RNF213: variants seen among roughly 807,000 people sequenced by gnomAD.
RNF213 encodes the protein E3 ubiquitin-protein ligase RNF213.
RNF213 carries 341 observed loss-of-function variants against 514.4 expected under a neutral mutation model. The observed-to-expected ratio is 0.66, with a 90% CI of 0.61 to 0.73. RNF213 has a LOEUF of 0.73. Ranked by LOEUF, RNF213 falls within the 30% of genes least tolerant of loss-of-function variation. RNF213 has a pLI of 0.00. For missense variants in RNF213, 5,767 were observed against 6,615.6 expected, an observed-to-expected ratio of 0.87 and a Z score of 4.45; for synonymous variants, 2,655 against 2,658.2, an observed-to-expected ratio of 1.00 and a Z score of 0.04.
At position 80,337,566 on chromosome 17, in the gene RNF213, C is replaced by G. The variant is rs145192984; in HGVS notation, c.4528-20C>G. 2 of 1,536,592 alleles carry G rather than the reference C, an allele frequency of 1.3e-6. No individual in the cohort carries two copies. The highest frequency in any genetic ancestry group is 2.0e-5 in the Admixed American group (1 of 50,992). Reference sequence around the variant, plus strand: ...CCTCGCTCCAACCGTGGCCCGTGTTCTCTCCTTTTGTCCCCATAGTGTGAC... The same window carrying G: ...CCTCGCTCCAACCGTGGCCCGTGTTGTCTCCTTTTGTCCCCATAGTGTGAC... On this transcript the variant is annotated intron_variant, in intron 23 of 67. Coordinates refer to ENST00000582970, the MANE Select transcript of RNF213 (RefSeq NM_001256071.3).
Position 80,297,786 on chromosome 17 carries a change from C to CAA in RNF213, c.2013-517_2013-516dup, listed in dbSNP as rs550895440. Among the ~76,000 whole-genome samples, 110 of 98,118 alleles carry CAA rather than the reference C, an allele frequency of 1.1e-3. 2 individuals carry two copies. The highest frequency in any genetic ancestry group is 2.2e-3 in the East Asian group (6 of 2,690). 64.4% of individuals were successfully genotyped at this position (98,118 alleles called of 152,430 possible). On this transcript the variant is annotated intron_variant, in intron 10 of 67. Coordinates refer to ENST00000582970, the MANE Select transcript of RNF213 (RefSeq NM_001256071.3). ...TGGGCAACAGAGTGAGACTCCGTCT[C>CAA]AAAAAAAAAAAAAAAAAAATGTAGC...
intron 3 of RNF213, among the ~76,000 whole-genome samples, chr17:80,277,720 C>T (rs1170641678): frequency 6.6e-6 from 1 of 152,076 alleles, no homozygotes; most frequent in Non-Finnish European, 1.5e-5. Flanking sequence ...GGCTTTTGCG[C>T]ATTTTCCCAA....
At chr17:80,334,409 CT>C (rs2077924745) in intron 22 of RNF213, 139 bp downstream of exon 22, 1 of 882,052 alleles carries the variant, frequency 1.1e-6, no homozygotes, top group Non-Finnish European at 1.7e-6. Context: ...TGCCTGCATG[CT>C]TTAGGGAGAT....
At chr17:80,328,277 A>T in intron 19 of RNF213, 51 bp from the exon 20 acceptor site, 2 of 1,503,210 alleles carry the variant, frequency 1.3e-6, no homozygotes, top group Non-Finnish European at 1.8e-6. Flanking sequence ...GCCATGGAAA[A>T]TGGCATTTGT....
Position 80,381,702 on chromosome 17 carries a change from A to G in RNF213, c.13953A>G (p.Gln4651=). ...ACCTCGTCCTGCGCAGGCTTCTCCA[A>G]GAGCAGCACCAGCTCTCTAGCAGAA... ...VVHLVLRRLL[Q]EQHQLSSRRL... is the part of the protein sequence containing the mutation. The change falls in exon 57 of 68, where the codon CAA becomes CAG. Residue 4651 remains glutamine (Q), a synonymous_variant. Transcript: ENST00000582970. 6.2e-7 allele frequency: 1 copy of G among 1,614,012 alleles called. No homozygotes were observed. Among genetic ancestry groups the G allele is most frequent in the Non-Finnish European group, 8.5e-7 (1 of 1,179,990 alleles).
chr17:80,344,983 G>C lies in RNF213; in HGVS notation c.6648G>C (p.Arg2216=), dbSNP rs756714949. 22 of 1,614,068 alleles carry C rather than the reference G, an allele frequency of 1.4e-5. No individual in the cohort carries two copies. Among genetic ancestry groups the C allele is most frequent in the Non-Finnish European group, 1.9e-5 (22 of 1,180,040 alleles). The change falls in exon 29 of 68, where the codon CGG becomes CGC. Residue 2216 remains arginine, a synonymous_variant. Transcript: ENST00000582970. ...TAAACCCATCCTGGTCAGAGCTTCG[G>C]AACTTTGCTCGGTTCCTGAATTATC... ...GVINPSWSEL[R]NFARFLNYQL...
intron 63 of RNF213, among the ~76,000 whole-genome samples, chr17:80,387,896 A>G (rs1032773077): frequency 6.7e-6 from 1 of 149,934 alleles, no homozygotes; most frequent in Non-Finnish European, 1.5e-5. Flanking sequence ...AGTCATATCT[A>G]CTGTACTTAT....
intron 20 of RNF213, 79 bp downstream of exon 20, chr17:80,328,556 G>A: frequency 7.2e-7 from 1 of 1,392,692 alleles, no homozygotes; most frequent in South Asian, 1.5e-5. Context: ...GATCACAGTA[G>A]CAGATCTTTA....
At position 80,306,487 on chromosome 17, in the gene RNF213, C is replaced by T. The variant is rs2045362880; in HGVS notation, c.2427+19C>T. The T allele has an allele frequency of 6.2e-7, 1 of 1,609,398 alleles. No individual in the cohort carries two copies. The highest frequency in any genetic ancestry group is 1.3e-5 in the African/African-American group (1 of 74,904). On this transcript the variant is annotated intron_variant, in intron 12 of 67. Coordinates refer to ENST00000582970, the MANE Select transcript of RNF213 (RefSeq NM_001256071.3). ...TACGCAGGTTTGTGTCTGAAGTCGG[C>T]TCTGGAGTCCTGGCTTAGCAAAAGC...
chr17:80,379,413 A>C (rs2079894930), intron 54 of RNF213: 1 of 603,188 alleles, frequency 1.7e-6, no homozygotes, highest in Admixed American at 2.5e-5. Flanking sequence ...TTATTTAAAA[A>C]ACAGTTCCAG....
chr17:80,278,100 C>T (rs2044134570), intron 3 of RNF213, among the ~76,000 whole-genome samples: 4 of 152,228 alleles, frequency 2.6e-5, no homozygotes, highest in African/African-American at 7.2e-5. Flanking sequence ...CTGGGTTGTA[C>T]TTCCTGTGGT....
chr17:80,261,153 C>T lies in RNF213; in HGVS notation c.-109+251C>T, dbSNP rs1567982005. ...GTGGGGGCAGCGGGCACGCCTGGGACCCCGGCGACATCCCCGGAGCGCAGA... is the reference window on the plus strand; with the variant it reads ...GTGGGGGCAGCGGGCACGCCTGGGATCCCGGCGACATCCCCGGAGCGCAGA... On this transcript the variant is annotated intron_variant, in intron 1 of 67. Coordinates refer to ENST00000582970, the MANE Select transcript of RNF213 (RefSeq NM_001256071.3). Among the ~76,000 whole-genome samples the T allele has an allele frequency of 5.3e-5, 8 of 152,152 alleles. No individual in the cohort carries two copies. The South Asian group carries it at 1.7e-3, about 32-fold the overall frequency.
chr17:80,373,053 T>C lies in RNF213; in HGVS notation c.12830T>C (p.Val4277Ala), dbSNP rs761452107. 1.9e-6 allele frequency: 3 copies of C among 1,613,972 alleles called. No homozygotes were observed. Among genetic ancestry groups the C allele is most frequent in the Non-Finnish European group, 2.5e-6 (3 of 1,180,000 alleles). ...CGGGTGGAGAACGACTGGCACCGGG[T>C]GTACCTGGTGCGGAAGCTCAGCAGC... is the stretch of plus-strand genomic sequence containing the variant. ...CIRVENDWHRVYLVRKLSSQR... is the reference protein window; with the variant it reads ...CIRVENDWHRAYLVRKLSSQR... The change falls in exon 49 of 68, where the codon GTG becomes GCG. Residue 4277 changes from valine to alanine, a missense_variant. This residue lies in a region of RNF213 where 1,245 missense variants were observed against 1,339.0 expected (regional missense o/e 0.93). Transcript: ENST00000582970.
At chr17:80,380,809 T>G (rs777858843) in intron 55 of RNF213, 22 bp from the exon 56 acceptor site, 2 of 1,614,066 alleles carry the variant, frequency 1.2e-6, no homozygotes, top group South Asian at 2.2e-5. Flanking sequence ...GCCTCTGTCT[T>G]GTGTTCTCTC....
chr17:80,313,022 G>A lies in RNF213; in HGVS notation c.2666G>A (p.Gly889Glu), dbSNP rs780237174. Reference protein sequence around the residue: ...IRLLSLVDSAGQRDETGNNSV... With the variant: ...IRLLSLVDSAEQRDETGNNSV... ...CTTGTGTGACAACAGGATTCTGCAG[G>A]ACAGAGAGATGAAACTGGAAATAAT... Residue 889 changes from glycine to glutamate, a missense_variant, in exon 15 of 68, where the codon GGA (glycine) becomes GAA (glutamate). By Grantham distance (98) the Gly-to-Glu change is moderately conservative. This residue lies in a region of RNF213 where 592 missense variants were observed against 673.9 expected (regional missense o/e 0.88). Transcript: ENST00000582970. 1.2e-6 allele frequency: 2 copies of A among 1,613,940 alleles called. No individual in the cohort carries two copies. The highest frequency in any genetic ancestry group is 1.7e-6 in the Non-Finnish European group (2 of 1,180,034).
At chr17:80,388,774 GC>G in intron 64 of RNF213, 85 bp downstream of exon 64, 2 of 1,085,006 alleles carry the variant, frequency 1.8e-6, no homozygotes, top group Non-Finnish European at 1.4e-6. Flanking sequence ...CTCCAGCCTT[GC>G]CCCGGGTGTT....
At chr17:80,285,346 C>A (rs58724575) in intron 3 of RNF213, among the ~76,000 whole-genome samples, 1 of 152,198 alleles carries the variant, frequency 6.6e-6, no homozygotes, top group Non-Finnish European at 1.5e-5. Context: ...CCTCTAAACC[C>A]AGCCCAGACG....
rs760823446 is a variant in RNF213, at chr17:80,273,277, C to T, written c.134C>T (p.Ser45Leu). 5.6e-6 allele frequency: 9 copies of T among 1,613,694 alleles called. No individual in the cohort carries two copies. The highest frequency in any genetic ancestry group is 4.5e-5 in the East Asian group (2 of 44,882). The change falls in exon 3 of 68, where the codon TCG (serine) becomes TTG (leucine). Residue 45 changes from serine (S) to leucine (L), a missense_variant. Around this residue, in one of 13 missense-constraint regions of RNF213, gnomAD observed 509 missense variants for 496.7 expected, o/e 1.02. Transcript: ENST00000582970. ...AATAACTCCACAATGGCGTCGGCCT[C>T]GGAGGGTGAAATGGAGTGTGGGCAG... Reference protein sequence around the residue: ...ENNNSTMASASEGEMECGQEL... With the variant: ...ENNNSTMASALEGEMECGQEL...
In RNF213 at chr17:80,371,918, T is replaced by C; in HGVS notation, c.12470T>C (p.Leu4157Ser). Residue 4157 changes from leucine to serine, a missense_variant, in exon 47 of 68, where the codon TTA becomes TCA. Transcript: ENST00000582970. The stretch of plus-strand genomic sequence containing the variant: ...TATATTCAGGAATATTTGACCCTGT[T>C]AAAAAAGAAAGCATTCATAACTGAA... Reference protein sequence around the residue: ...KDYIQEYLTLLKKKAFITEDK... With the variant: ...KDYIQEYLTLSKKKAFITEDK... 1 of 1,591,008 alleles carries C rather than the reference T, an allele frequency of 6.3e-7. No individual in the cohort carries two copies. The highest frequency in any genetic ancestry group is 8.6e-7 in the Non-Finnish European group (1 of 1,158,938).
Sources: allele counts gnomAD v4.1 joint callset (sites outside exome capture counted in the v4.1 genomes callset), GRCh38; gene constraint gnomAD v4.1.1; regional missense constraint gnomAD v4.1.1; transcripts MANE v1.5; gene names NCBI Gene and HGNC (gene_info 2026-07-23, HGNC 2026-07-21).